PECAM1: variants seen among roughly 807,000 people sequenced by gnomAD.
PECAM1 encodes platelet and endothelial cell adhesion molecule 1.
A neutral mutation model predicts 13.8 loss-of-function variants in PECAM1; 8 were observed. The observed-to-expected ratio is 0.58, with a 90% CI of 0.34 to 1.05. PECAM1 has a LOEUF of 1.05. Ranked by LOEUF, PECAM1 falls within the 50% of genes least tolerant of loss-of-function variation. The pLI, the probability that PECAM1 is intolerant of heterozygous loss-of-function variation, is 0.03. For synonymous variants in PECAM1, 136 were observed against 52.6 expected, an observed-to-expected ratio of 2.58 and a Z score of -6.86; for missense variants, 304 against 141.2, an observed-to-expected ratio of 2.15 and a Z score of -5.84.
intron 3 of PECAM1, among the ~76,000 whole-genome samples, chr17:64,376,583 G>A (rs1395201991): frequency 1.3e-5 from 2 of 152,170 alleles, no homozygotes; most frequent in Non-Finnish European, 2.9e-5. Context: ...CATTGTTCAA[G>A]ATATAAGAAT....
intron 4 of PECAM1, among the ~76,000 whole-genome samples, chr17:64,374,587 C>T (rs1294556102): frequency 1.3e-5 from 2 of 152,098 alleles, no homozygotes; most frequent in Admixed American, 1.3e-4. Flanking sequence ...AGTTTGAGAC[C>T]AGCCTGGCCA....
rs2036027635 is a variant in PECAM1, at chr17:64,363,273, C to T, written c.1092G>A (p.Thr364=). 6.3e-6 allele frequency: 3 copies of T among 475,330 alleles called. No individual in the cohort carries two copies. Among genetic ancestry groups the T allele is most frequent in the South Asian group, 6.7e-5 (1 of 14,884 alleles). The allele number at this position is 475,330 out of a possible 1,614,324, so 29.4% of individuals were successfully genotyped here. A position where few individuals can be genotyped will look rare whatever the true frequency, so the allele number is the denominator to read the frequency against. The change falls in exon 6 of 16, where the codon ACG becomes ACA. Residue 364 remains threonine, a synonymous_variant. Coordinates refer to ENST00000563924, the MANE Select transcript of PECAM1 (RefSeq NM_000442.5). ...PANFTIQKED[T]IVSQTQDFTK... ...TGAAATCTTGAGTCTGTGACACAAT[C>T]GTATCTTCCTTCTGGATGGTGAAGT... is the stretch of plus-strand genomic sequence containing the variant.
intron 14 of PECAM1, among the ~76,000 whole-genome samples, chr17:64,338,436 T>C (rs887794937): frequency 1.1e-4 from 16 of 151,888 alleles, no homozygotes; most frequent in African/African-American, 3.1e-4. Flanking sequence ...CATAAAATAT[T>C]TGTGGCCACT....
intron 15 of PECAM1, among the ~76,000 whole-genome samples, chr17:64,325,202 C>T (rs901013272): frequency 1.3e-5 from 2 of 151,270 alleles, no homozygotes; most frequent in Non-Finnish European, 2.9e-5. Context: ...GCCTGGCCAA[C>T]ATAGTGAAAC....
At chr17:64,366,798 G>A (rs1411778130) in intron 5 of PECAM1, among the ~76,000 whole-genome samples, 1 of 132,688 alleles carries the variant, frequency 7.5e-6, no homozygotes, top group Non-Finnish European at 1.6e-5. Flanking sequence ...CACAGGAAGG[G>A]GAACATCACA....
rs908419781 is a variant in PECAM1 at position 64,344,664 on chromosome 17, C to G, written c.2108-2974G>C. On this transcript the variant is annotated intron_variant, in intron 13 of 15. Coordinates refer to ENST00000563924, the MANE Select transcript of PECAM1 (RefSeq NM_000442.5). Reference sequence around the variant, plus strand: ...CCAGGTCAAATGTACTCACCACTGGCCTTGTACCCACAAAGCCCCTTTTCG... The same window carrying G: ...CCAGGTCAAATGTACTCACCACTGGGCTTGTACCCACAAAGCCCCTTTTCG... Among the ~76,000 whole-genome samples the G allele has an allele frequency of 7.0e-3, 1,069 of 152,200 alleles. 8 individuals carry two copies. The highest frequency in any genetic ancestry group is 0.023 in the African/African-American group (950 of 41,526).
intron 4 of PECAM1, among the ~76,000 whole-genome samples, chr17:64,371,506 C>T (rs1435390355): frequency 6.6e-6 from 1 of 151,948 alleles, no homozygotes; most frequent in African/African-American, 2.4e-5. Context: ...GACCCTCCAT[C>T]TCAAAAAACA....
chr17:64,349,878 CTT>C (rs2035675409), intron 12 of PECAM1, among the ~76,000 whole-genome samples: 1 of 152,004 alleles, frequency 6.6e-6, no homozygotes, highest in African/African-American at 2.4e-5. Context: ...GAGCGAGACT[CTT>C]GTCTCAAGAA....
intron 3 of PECAM1, 91 bp from the exon 4 acceptor site, chr17:64,375,447 C>T (rs1485715279): frequency 1.0e-5 from 4 of 398,956 alleles, no homozygotes; most frequent in Admixed American, 4.4e-5. Context: ...AGCCTCCCTC[C>T]GCTGAGTGAC....
chr17:64,380,585 T>C (rs1196480339), intron 2 of PECAM1, among the ~76,000 whole-genome samples: 1 of 152,224 alleles, frequency 6.6e-6, no homozygotes, highest in Admixed American at 6.5e-5. Context: ...AATGCAATCA[T>C]GGAATTTTTT....
At chr17:64,376,329 T>C (rs1318591046) in intron 3 of PECAM1, among the ~76,000 whole-genome samples, 1 of 151,400 alleles carries the variant, frequency 6.6e-6, no homozygotes, top group Non-Finnish European at 1.5e-5. Flanking sequence ...AATAAATAAA[T>C]AAATAAATAA....
intron 14 of PECAM1, among the ~76,000 whole-genome samples, chr17:64,334,827 G>A (rs1301214638): frequency 6.6e-6 from 1 of 152,124 alleles, no homozygotes; most frequent in African/African-American, 2.4e-5. Flanking sequence ...TGTTTTATTG[G>A]GGGTCACTCA....
chr17:64,348,860 G>A (rs2035645860), intron 12 of PECAM1, among the ~76,000 whole-genome samples: 4 of 152,182 alleles, frequency 2.6e-5, no homozygotes, highest in African/African-American at 9.7e-5. Context: ...GCAGATACAG[G>A]GCCTCGGGGC....
chr17:64,354,287 A>G (rs943041889), intron 9 of PECAM1, among the ~76,000 whole-genome samples: 6 of 152,102 alleles, frequency 3.9e-5, no homozygotes, highest in African/African-American at 7.2e-5. Context: ...GGCGAAATCA[A>G]TCCCTGCGTT....
intron 3 of PECAM1, among the ~76,000 whole-genome samples, chr17:64,375,890 C>A (rs1185435999): frequency 6.6e-6 from 1 of 151,876 alleles, no homozygotes; most frequent in Non-Finnish European, 1.5e-5. Context: ...TATGAGGAAA[C>A]AAAGGCATAA....
At chr17:64,352,302 A>C (rs2143779093) in intron 11 of PECAM1, 88 bp downstream of exon 11, 1 of 433,986 alleles carries the variant, frequency 2.3e-6, no homozygotes, top group South Asian at 1.0e-4. Flanking sequence ...CTGTAATCCC[A>C]CCACTTACAT....
At chr17:64,346,526 G>A (rs1279503636) in intron 13 of PECAM1, among the ~76,000 whole-genome samples, 1 of 152,144 alleles carries the variant, frequency 6.6e-6, no homozygotes, top group East Asian at 1.9e-4. Flanking sequence ...AGTAGAGACA[G>A]GGTTTCACCA....
Position 64,360,215 on chromosome 17 carries a change from C to T in PECAM1, c.1417G>A (p.Glu473Lys), listed in dbSNP as rs969158986. The T allele has an allele frequency of 3.6e-5, 17 of 475,242 alleles. No homozygotes were observed. Among genetic ancestry groups the T allele is most frequent in the Non-Finnish European group, 6.6e-5 (17 of 259,042 alleles). 29.4% of individuals were successfully genotyped at this position (475,242 alleles called of 1,614,324 possible). A position where few individuals can be genotyped will look rare whatever the true frequency, so the allele number is the denominator to read the frequency against. ...VFKDNPTEDV[E>K]YQCVADNCHS... is the part of the protein sequence containing the mutation. ...CAATTATCTGCAACACACTGGTATT[C>T]GACGTCTTCAGTGGGGTTGTCTTTG... Residue 473 changes from glutamate to lysine, a missense_variant, in exon 7 of 16, where the codon GAA (glutamate) becomes AAA (lysine). Transcript: ENST00000563924.
At position 64,322,658 on chromosome 17, in the gene PECAM1, C is replaced by T. The variant is rs1237217980; in HGVS notation, c.*1158G>A. On this transcript the variant is annotated 3_prime_UTR_variant, in exon 16 of 16. Transcript: ENST00000563924. ...GACAGCAGCCTCTCTCCCACCCACTCAAGACACTGTCAGGAATGTCTTAAG... is the reference window on the plus strand; with the variant it reads ...GACAGCAGCCTCTCTCCCACCCACTTAAGACACTGTCAGGAATGTCTTAAG... The T allele has an allele frequency of 7.2e-5, 71 of 985,306 alleles. No homozygotes were observed. Among genetic ancestry groups the T allele is most frequent in the Non-Finnish European group, 7.8e-5 (65 of 829,922 alleles). The allele number at this position is 985,306 out of a possible 1,614,324, so 61.0% of individuals were successfully genotyped here.
Sources: gnomAD v4.1 joint callset for allele counts (sites outside exome capture counted in the v4.1 genomes callset) on GRCh38, gnomAD v4.1.1 for gene constraint, MANE v1.5 for transcripts, NCBI Gene and HGNC (gene_info 2026-07-23, HGNC 2026-07-21) for gene names.